The following KHDRBS2 variants were observed in gnomAD, a reference collection of about 807,000 sequenced individuals.
KHDRBS2 encodes KH domain-containing, RNA-binding, signal transduction-associated protein 2.
In KHDRBS2, 26 loss-of-function variants were observed where a neutral mutation model predicts 44.3. The observed-to-expected ratio is 0.59, with a 90% CI of 0.43 to 0.81. The LOEUF (loss-of-function observed/expected upper bound fraction) is 0.81, where lower values mean the gene tolerates loss of function less well. Ranked by LOEUF, KHDRBS2 falls within the 40% of genes least tolerant of loss-of-function variation. The pLI, the probability that KHDRBS2 is intolerant of heterozygous loss-of-function variation, is 0.00. For missense variants in KHDRBS2, 476 were observed against 433.1 expected, an observed-to-expected ratio of 1.10 and a Z score of -0.88; for synonymous variants, 194 against 151.1, an observed-to-expected ratio of 1.28 and a Z score of -2.08.
chr6:62,171,373 G>A (rs1433367523), intron 2 of KHDRBS2, among the ~76,000 whole-genome samples: 1 of 150,720 alleles, frequency 6.6e-6, no homozygotes, highest in Non-Finnish European at 1.5e-5. Flanking sequence ...CACTCAGTCA[G>A]ACAAAAATTA....
chr6:61,797,435 C>T (rs1785524091), intron 6 of KHDRBS2, among the ~76,000 whole-genome samples: 2 of 152,156 alleles, frequency 1.3e-5, no homozygotes, highest in South Asian at 4.1e-4. Flanking sequence ...ATAAGTATGT[C>T]TGGCTACAAG....
Position 62,276,188 on chromosome 6 carries a change from C to T in KHDRBS2, c.91+9670G>A, listed in dbSNP as rs73489002. Among the ~76,000 whole-genome samples, 643 of 152,248 alleles carry T rather than the reference C, an allele frequency of 4.2e-3. 5 individuals carry two copies. Among genetic ancestry groups the T allele is most frequent in the African/African-American group, 0.015 (606 of 41,532 alleles). ...TTAATGTTTTAAAGGAAACAGACAT[C>T]GATCGTGGCATTTCTGATAACAGTA... On this transcript the variant is annotated intron_variant, in intron 1 of 8. Coordinates refer to ENST00000281156, the MANE Select transcript of KHDRBS2 (RefSeq NM_152688.4).
intron 6 of KHDRBS2, among the ~76,000 whole-genome samples, chr6:61,834,768 T>C (rs925158979): frequency 3.3e-5 from 5 of 152,012 alleles, no homozygotes; most frequent in Admixed American, 2.6e-4. Context: ...TCTTAATGCA[T>C]AGGAGTCTTT....
chr6:61,679,169 C>G (rs1766106446), downstream of KHDRBS2, among the ~76,000 whole-genome samples: 1 of 151,870 alleles, frequency 6.6e-6, no homozygotes, highest in Admixed American at 6.6e-5. Context: ...AACAAAAAAA[C>G]TGTATTTAAA....
intron 6 of KHDRBS2, among the ~76,000 whole-genome samples, chr6:61,808,168 G>T (rs759174213): frequency 1.1e-4 from 17 of 151,982 alleles, no homozygotes; most frequent in Non-Finnish European, 2.5e-4. Flanking sequence ...ATATGTGGGG[G>T]TGTAAGCTCA....
the KHDRBS2 span, among the ~76,000 whole-genome samples, chr6:61,611,205 G>T: frequency 1.6e-4 from 24 of 152,184 alleles, no homozygotes; most frequent in Non-Finnish European, 4.4e-5. Flanking sequence ...TAGATATCTT[G>T]CACTTCTCTA....
At chr6:61,611,003 ATTGGCTGGCT>A in the KHDRBS2 span, among the ~76,000 whole-genome samples, 1 of 152,172 alleles carries the variant, frequency 6.6e-6, no homozygotes, top group Non-Finnish European at 1.5e-5. Context: ...AATGGCAGGA[ATTGGCTGGCT>A]ATGTATTCAT....
chr6:61,599,551 GT>G, the KHDRBS2 span, among the ~76,000 whole-genome samples: 1 of 152,190 alleles, frequency 6.6e-6, no homozygotes, highest in African/African-American at 2.4e-5. Context: ...TAAGGATAGT[GT>G]TTGCACATAT....
At chr6:61,732,105 A>G (rs749332040) in intron 7 of KHDRBS2, among the ~76,000 whole-genome samples, 11 of 152,104 alleles carry the variant, frequency 7.2e-5, no homozygotes, top group Non-Finnish European at 1.2e-4. Flanking sequence ...CTGTATTCTA[A>G]ATGGGTAAAG....
chr6:61,625,142 A>G, the KHDRBS2 span, among the ~76,000 whole-genome samples: 3 of 151,960 alleles, frequency 2.0e-5, no homozygotes, highest in South Asian at 2.1e-4. Context: ...TGGTTAATTG[A>G]CATGTGCAGC....
intron 7 of KHDRBS2, among the ~76,000 whole-genome samples, chr6:61,708,652 T>C (rs977880188): frequency 6.6e-6 from 1 of 151,722 alleles, no homozygotes; most frequent in Non-Finnish European, 1.5e-5. Flanking sequence ...GTAACATAAC[T>C]TTTTGTCTTC....
At chr6:62,086,640 C>T (rs1254672195) in intron 2 of KHDRBS2, among the ~76,000 whole-genome samples, 2 of 152,082 alleles carry the variant, frequency 1.3e-5, no homozygotes, top group African/African-American at 4.8e-5. Context: ...CTTTTATTAG[C>T]ATCTGTTCAG....
chr6:61,845,255 T>C (rs943902366), intron 6 of KHDRBS2, among the ~76,000 whole-genome samples: 4 of 151,742 alleles, frequency 2.6e-5, no homozygotes, highest in Admixed American at 6.6e-5. Flanking sequence ...TACTCAGTGA[T>C]AGCAGAGGTC....
intron 2 of KHDRBS2, among the ~76,000 whole-genome samples, chr6:62,059,817 G>T (rs1348897054): frequency 6.6e-6 from 1 of 151,626 alleles, no homozygotes; most frequent in Non-Finnish European, 1.5e-5. Context: ...TGAGGAACAC[G>T]TATATTCAGA....
intron 1 of KHDRBS2, among the ~76,000 whole-genome samples, chr6:62,196,403 C>G (rs1825710900): frequency 6.6e-6 from 1 of 152,108 alleles, no homozygotes; most frequent in Non-Finnish European, 1.5e-5. Context: ...AGAACTCCAC[C>G]TGTGCCAGAA....
At chr6:61,977,796 C>T (rs891280951) in intron 4 of KHDRBS2, among the ~76,000 whole-genome samples, 3 of 152,104 alleles carry the variant, frequency 2.0e-5, no homozygotes, top group Non-Finnish European at 4.4e-5. Flanking sequence ...TGTTTATAAA[C>T]ATGTCTTTTT....
chr6:61,570,075 G>T, the KHDRBS2 span, among the ~76,000 whole-genome samples: 72 of 152,104 alleles, frequency 4.7e-4, 1 homozygote, highest in East Asian at 0.013. Flanking sequence ...AAACCAAGAA[G>T]AAATCTCTGT....
the KHDRBS2 span, among the ~76,000 whole-genome samples, chr6:61,552,761 G>T: frequency 3.3e-5 from 5 of 152,004 alleles, no homozygotes; most frequent in Non-Finnish European, 7.4e-5. Context: ...ATAATCATGT[G>T]GTTTTTGTTT....
intron 1 of KHDRBS2, among the ~76,000 whole-genome samples, chr6:62,273,149 C>T (rs1177467524): frequency 1.3e-5 from 2 of 152,112 alleles, no homozygotes; most frequent in Non-Finnish European, 2.9e-5. Flanking sequence ...ATTTTACTGT[C>T]CCCATTTATA....
Sources: gnomAD v4.1 joint callset for allele counts (sites outside exome capture counted in the v4.1 genomes callset) on GRCh38, gnomAD v4.1.1 for gene constraint, MANE v1.5 for transcripts, NCBI Gene and HGNC (gene_info 2026-07-23, HGNC 2026-07-21) for gene names.